The following FBXL2 variants were observed in gnomAD, a reference collection of about 807,000 sequenced individuals.
The protein encoded by FBXL2 is F-box/LRR-repeat protein 2.
Under a neutral mutation model 69.2 loss-of-function variants are expected in FBXL2, and 38 were observed. The observed-to-expected ratio is 0.55, with a 90% CI of 0.42 to 0.72. The LOEUF is 0.72. Ranked by LOEUF, FBXL2 falls within the 30% of genes least tolerant of loss-of-function variation. The pLI, the probability that FBXL2 is intolerant of heterozygous loss-of-function variation, is 0.00. For missense variants in FBXL2, 354 were observed against 520.3 expected, an observed-to-expected ratio of 0.68 and a Z score of 3.11; for synonymous variants, 192 against 201.3, an observed-to-expected ratio of 0.95 and a Z score of 0.39.
chr3:33,298,839 A>G (rs1442910875), intron 2 of FBXL2, among the ~76,000 whole-genome samples: 7 of 151,944 alleles, frequency 4.6e-5, no homozygotes, highest in East Asian at 1.9e-4. Context: ...ATACTCCACA[A>G]AACAACAGCA....
intron 2 of FBXL2, among the ~76,000 whole-genome samples, chr3:33,351,962 T>TAAAAA (rs56082631): frequency 8.9e-6 from 1 of 112,092 alleles, no homozygotes. Flanking sequence ...CCCCATCACT[T>TAAAAA]AAAAAAAAAA....
intron 2 of FBXL2, among the ~76,000 whole-genome samples, chr3:33,311,874 T>C (rs1162310663): frequency 6.6e-6 from 1 of 152,060 alleles, no homozygotes; most frequent in African/African-American, 2.4e-5. Context: ...TCCCTCGCCT[T>C]GGCCTCCCAA....
chr3:33,383,909 G>T, intron 13 of FBXL2, 80 bp from the exon 14 acceptor site: 6 of 1,399,516 alleles, frequency 4.3e-6, no homozygotes, highest in Non-Finnish European at 6.0e-6. Context: ...GGGCAAAAAG[G>T]CTAGCTTCCA....
chr3:33,400,323 C>G, intron 12 of FBXL2: 3 of 1,483,976 alleles, frequency 2.0e-6, no homozygotes, highest in Non-Finnish European at 2.8e-6. Flanking sequence ...AGGAACCATT[C>G]AGACTTAGAA....
chr3:33,336,633 G>A (rs925303678), intron 2 of FBXL2, among the ~76,000 whole-genome samples: 2 of 152,294 alleles, frequency 1.3e-5, no homozygotes, highest in South Asian at 2.1e-4. Context: ...ACAACTGAGC[G>A]CAGTGACTCA....
At chr3:33,384,306 A>T in intron 14 of FBXL2, 105 bp downstream of exon 14, 3 of 1,112,376 alleles carry the variant, frequency 2.7e-6, no homozygotes, top group Non-Finnish European at 3.9e-6. Context: ...CACGCCTGTA[A>T]TCCCAACACT....
At chr3:33,414,730 T>C in the FBXL2 span, among the ~76,000 whole-genome samples, 1 of 152,288 alleles carries the variant, frequency 6.6e-6, no homozygotes, top group Admixed American at 6.5e-5. Flanking sequence ...GCTTACAGAA[T>C]ATAACTGCAT....
At chr3:33,296,013 T>G (rs993377901) in intron 1 of FBXL2, among the ~76,000 whole-genome samples, 1 of 152,142 alleles carries the variant, frequency 6.6e-6, no homozygotes, top group African/African-American at 2.4e-5. Flanking sequence ...ATCTTGTGGG[T>G]TTTTTTCCTA....
At chr3:33,338,057 A>G (rs1046470757) in intron 2 of FBXL2, among the ~76,000 whole-genome samples, 4 of 152,232 alleles carry the variant, frequency 2.6e-5, no homozygotes, top group African/African-American at 7.2e-5. Context: ...TACAGATTCA[A>G]TGTTATTCCT....
Position 33,284,264 on chromosome 3 carries a change from G to C in FBXL2, c.3+6749G>C, listed in dbSNP as rs531738239. ...GGTATGTTGTGTCTTTGCTCTCATT[G>C]GTTTCAAAGAACATCTTTATTTCTG... is the stretch of plus-strand genomic sequence containing the variant. On this transcript the variant is annotated intron_variant, in intron 1 of 14. Transcript: ENST00000484457. Among the ~76,000 whole-genome samples, 17 of 152,200 alleles carry C rather than the reference G, an allele frequency of 1.1e-4. No individual in the cohort carries two copies. The South Asian group carries it at 3.3e-3, about 30-fold the overall frequency.
intron 2 of FBXL2, among the ~76,000 whole-genome samples, chr3:33,356,795 A>G (rs937222700): frequency 1.3e-5 from 2 of 152,216 alleles, no homozygotes; most frequent in Non-Finnish European, 2.9e-5. Flanking sequence ...TAGAGTATCA[A>G]GCATATGGTA....
intron 2 of FBXL2, among the ~76,000 whole-genome samples, chr3:33,316,314 C>T (rs1344855716): frequency 6.6e-6 from 1 of 152,094 alleles, no homozygotes; most frequent in Non-Finnish European, 1.5e-5. Context: ...CCACCTCAGC[C>T]TCCCAAAGTG....
At chr3:33,311,755 G>T (rs555381807) in intron 2 of FBXL2, among the ~76,000 whole-genome samples, 2 of 152,062 alleles carry the variant, frequency 1.3e-5, no homozygotes, top group Admixed American at 1.3e-4. Flanking sequence ...CTCCTGAGTA[G>T]CTGGGACTAC....
chr3:33,397,745 A>C (rs1207238604), intron 12 of FBXL2: 1 of 152,242 alleles, frequency 6.6e-6, no homozygotes, highest in East Asian at 1.9e-4. Context: ...ATTTCCCCCA[A>C]GCACATCCTA....
At chr3:33,324,995 G>GT (rs1460094798) in intron 2 of FBXL2, among the ~76,000 whole-genome samples, 1 of 152,084 alleles carries the variant, frequency 6.6e-6, no homozygotes, top group Non-Finnish European at 1.5e-5. Flanking sequence ...GTAGTTTGTA[G>GT]TTCTCCACAA....
chr3:33,396,681 A>G, intron 12 of FBXL2: 1 of 432,936 alleles, frequency 2.3e-6, no homozygotes, highest in East Asian at 5.6e-5. Context: ...CAATTAGTTT[A>G]CATTTTTAAT....
At chr3:33,381,144 A>G (rs1327665000) in intron 13 of FBXL2, among the ~76,000 whole-genome samples, 1 of 152,214 alleles carries the variant, frequency 6.6e-6, no homozygotes, top group African/African-American at 2.4e-5. Context: ...AAAAATTTCT[A>G]TGAATACTTG....
intron 2 of FBXL2, among the ~76,000 whole-genome samples, chr3:33,332,376 C>T (rs2039232996): frequency 6.6e-6 from 1 of 152,134 alleles, no homozygotes; most frequent in African/African-American, 2.4e-5. Context: ...TTTGGGAGTT[C>T]CTTGAAAAGT....
rs553959917 is a variant in FBXL2, at chr3:33,378,842, C to A, written c.951+101C>A. On this transcript the variant is annotated intron_variant, in intron 13 of 14. Coordinates refer to ENST00000484457, the MANE Select transcript of FBXL2 (RefSeq NM_012157.5). ...GGGTTCTCTTTCTGTAAGGTATCAT[C>A]TCTCTTGATTTCAAAAATCTATTAA... 6.8e-4 allele frequency: 1,091 copies of A among 1,596,132 alleles called. 11 individuals are homozygous for A. The South Asian group carries it at 0.012, about 17-fold the overall frequency.
Sources: gnomAD v4.1 joint callset for allele counts (sites outside exome capture counted in the v4.1 genomes callset) on GRCh38, gnomAD v4.1.1 for gene constraint, MANE v1.5 for transcripts, NCBI Gene and HGNC (gene_info 2026-07-23, HGNC 2026-07-21) for gene names.